LTBP1: variants seen among roughly 807,000 people sequenced by gnomAD.
LTBP1 encodes latent transforming growth factor beta binding protein 1.
LTBP1 carries 129 observed loss-of-function variants against 207.6 expected under a neutral mutation model. That is an observed-to-expected ratio of 0.62 (90% CI 0.54 to 0.72). The LOEUF is 0.72. Ranked by LOEUF, LTBP1 falls within the 30% of genes least tolerant of loss-of-function variation. LTBP1 has a pLI of 0.00. For synonymous variants in LTBP1, 963 were observed against 833.7 expected (o/e 1.16, Z -2.67); for missense variants, 2,281 against 2,217.2 (o/e 1.03, Z -0.58).
chr2:33,369,225 A>G (rs2095037735), intron 31 of LTBP1, among the ~76,000 whole-genome samples: 1 of 152,214 alleles, frequency 6.6e-6, no homozygotes, highest in Non-Finnish European at 1.5e-5. Flanking sequence ...CTTCATTGCT[A>G]TACTGTTTCT....
At chr2:33,309,593 G>A (rs370489513) in intron 23 of LTBP1, 37 bp downstream of exon 23, 32 of 1,593,160 alleles carry the variant, frequency 2.0e-5, no homozygotes, top group East Asian at 9.1e-5. Context: ...CATTATTTAC[G>A]TAATTCTTCA....
chr2:32,993,969 A>AGTGTGTGT (rs70938383), intron 2 of LTBP1, among the ~76,000 whole-genome samples: 20,755 of 138,266 alleles, frequency 0.15, 1,632 homozygotes, highest in Non-Finnish European at 0.17. Context: ...CAGTTAGGGG[A>AGTGTGTGT]GTGTGTGTGT....
chr2:33,187,049 T>A lies in LTBP1; in HGVS notation c.1395T>A (p.Pro465=), dbSNP rs1448550004. 1.2e-6 allele frequency: 2 copies of A among 1,614,170 alleles called. No homozygotes were observed. Among genetic ancestry groups the A allele is most frequent in the East Asian group, 2.2e-5 (1 of 44,878 alleles). The change falls in exon 6 of 34, where the codon CCT becomes CCA. Residue 465 remains proline (P), a synonymous_variant. Transcript: ENST00000404816. ...TCATCCATTCAACACATACCTTGCC[T>A]CTGACCGTGACTAGCCAGCAAGGAG... ...THVIHSTHTL[P]LTVTSQQGVK... is the part of the protein sequence containing the mutation.
At chr2:33,244,954 T>C (rs190628534) in intron 10 of LTBP1, among the ~76,000 whole-genome samples, 2 of 152,250 alleles carry the variant, frequency 1.3e-5, no homozygotes, top group African/African-American at 4.8e-5. Context: ...TCTCCACTCA[T>C]TGCAACCTCT....
At chr2:33,347,128 A>C (rs2094714034) in intron 25 of LTBP1, among the ~76,000 whole-genome samples, 1 of 151,818 alleles carries the variant, frequency 6.6e-6, no homozygotes, top group South Asian at 2.1e-4. Context: ...AAAAAAAAAA[A>C]AAAAAAAAAA....
At chr2:32,989,350 A>C (rs1373235917) in intron 2 of LTBP1, among the ~76,000 whole-genome samples, 1 of 152,248 alleles carries the variant, frequency 6.6e-6, no homozygotes, top group Non-Finnish European at 1.5e-5. Context: ...CCAAAGATAC[A>C]ATTAATTTCC....
rs573044260 is a variant in LTBP1 at position 33,135,042 on chromosome 2, C to T, written c.1201+82C>T. On this transcript the variant is annotated intron_variant, in intron 5 of 33. Transcript: ENST00000404816. ...AGCATTTAGACACCCCCTCCATTCA[C>T]ACTGCTGTCTGCTTCAATGGGTGTC... 115 of 1,377,898 alleles carry T rather than the reference C, an allele frequency of 8.3e-5. No homozygotes were observed. The South Asian group carries it at 1.5e-3, about 18-fold the overall frequency. The allele number at this position is 1,377,898 out of a possible 1,614,324, so 85.4% of individuals were successfully genotyped here. A position where few individuals can be genotyped will look rare whatever the true frequency, so the allele number is the denominator to read the frequency against.
chr2:33,242,884 A>T (rs988779767), intron 9 of LTBP1, among the ~76,000 whole-genome samples: 1 of 152,098 alleles, frequency 6.6e-6, no homozygotes, highest in African/African-American at 2.4e-5. Context: ...CCTGCTCAGA[A>T]ACCTTTAGTA....
At chr2:33,090,668 C>T (rs993794392) in intron 3 of LTBP1, among the ~76,000 whole-genome samples, 3 of 152,108 alleles carry the variant, frequency 2.0e-5, no homozygotes, top group East Asian at 1.9e-4. Flanking sequence ...GAATAGGTCA[C>T]GTTACCCTGT....
At chr2:32,973,519 C>A (rs1440834404) in intron 2 of LTBP1, among the ~76,000 whole-genome samples, 1 of 151,888 alleles carries the variant, frequency 6.6e-6, no homozygotes, top group African/African-American at 2.4e-5. Flanking sequence ...CATGCAATGC[C>A]TGTATCAAAA....
chr2:33,338,946 G>A (rs144425933), intron 24 of LTBP1, among the ~76,000 whole-genome samples: 3 of 152,262 alleles, frequency 2.0e-5, no homozygotes, highest in African/African-American at 7.2e-5. Context: ...TTACCCTTTA[G>A]CCAAGAGGAG....
Position 33,275,060 on chromosome 2 carries a change from A to G in LTBP1, c.2839A>G (p.Met947Val). ...SFLCICPAGF[M>V]ASEEGTNCID... Reference sequence around the variant, plus strand: ...CTTGTGCATTTGCCCAGCAGGATTTATGGCCAGTGAGGAGGGTACTAACTG... The same window carrying G: ...CTTGTGCATTTGCCCAGCAGGATTTGTGGCCAGTGAGGAGGGTACTAACTG... Residue 947 changes from methionine to valine, a missense_variant, in exon 17 of 34, where the codon ATG (methionine) becomes GTG (valine). Around this residue, in one of 3 missense-constraint regions of LTBP1, gnomAD observed 1,671 missense variants for 1,634.8 expected, o/e 1.02. Coordinates refer to ENST00000404816, the MANE Select transcript of LTBP1 (RefSeq NM_206943.4). The G allele has an allele frequency of 6.2e-7, 1 of 1,614,000 alleles. No homozygotes were observed.
chr2:32,983,136 T>C (rs952071510), intron 2 of LTBP1, among the ~76,000 whole-genome samples: 1 of 152,172 alleles, frequency 6.6e-6, no homozygotes, highest in Non-Finnish European at 1.5e-5. Context: ...CCCATGGCTG[T>C]GGGAGCCCAT....
intron 26 of LTBP1, among the ~76,000 whole-genome samples, chr2:33,356,274 G>T (rs1424773855): frequency 6.6e-6 from 1 of 152,212 alleles, no homozygotes; most frequent in Admixed American, 6.6e-5. Context: ...TGGTTGTCAG[G>T]ATGTGGTGAT....
At chr2:33,154,750 T>A (rs1360253662) in intron 5 of LTBP1, among the ~76,000 whole-genome samples, 1 of 152,224 alleles carries the variant, frequency 6.6e-6, no homozygotes, top group Non-Finnish European at 1.5e-5. Context: ...AATAAATATT[T>A]GCCAAATTAT....
In LTBP1 at chr2:33,206,688, G is replaced by A. The variant is rs555772622; in HGVS notation, c.1702-10864G>A. Among the ~76,000 whole-genome samples, 288 of 150,288 alleles carry A rather than the reference G, an allele frequency of 1.9e-3. 1 individual carries two copies. The highest frequency in any genetic ancestry group is 3.0e-3 in the Admixed American group (45 of 15,076). ...TGGGAGGCGGAGCTTGCAGTGAGCCGAGATTGTGCCACTGCACTCCAGCCT... is the reference window on the plus strand; with the variant it reads ...TGGGAGGCGGAGCTTGCAGTGAGCCAAGATTGTGCCACTGCACTCCAGCCT... On this transcript the variant is annotated intron_variant, in intron 7 of 33. Transcript: ENST00000404816.
At chr2:32,949,732 G>A (rs1033020228) in intron 2 of LTBP1, among the ~76,000 whole-genome samples, 8 of 152,214 alleles carry the variant, frequency 5.3e-5, no homozygotes, top group Admixed American at 2.0e-4. Flanking sequence ...TTTGCATAGA[G>A]ATTGAGGCAT....
chr2:33,006,762 TC>T (rs1686952588), intron 2 of LTBP1, among the ~76,000 whole-genome samples: 1 of 146,830 alleles, frequency 6.8e-6, no homozygotes. Context: ...TTTCAGCTAT[TC>T]CCTGATGAGC....
chr2:33,096,551 C>T (rs180687140), intron 3 of LTBP1, among the ~76,000 whole-genome samples: 71 of 152,230 alleles, frequency 4.7e-4, no homozygotes, highest in Middle Eastern at 6.8e-3. Flanking sequence ...CTGACAAGAA[C>T]GACAACAGGA....
Sources: gnomAD v4.1 joint callset for allele counts (sites outside exome capture counted in the v4.1 genomes callset) on GRCh38, gnomAD v4.1.1 for gene constraint, gnomAD v4.1.1 regional missense constraint, MANE v1.5 for transcripts, NCBI Gene and HGNC (gene_info 2026-07-23, HGNC 2026-07-21) for gene names.